The following A1CF variants were observed in gnomAD, a reference collection of about 807,000 sequenced individuals.
A1CF encodes APOBEC-1 stimulating protein.
Under a neutral mutation model 68.9 loss-of-function variants are expected in A1CF, and 48 were observed. The observed-to-expected ratio is 0.70, with a 90% CI of 0.55 to 0.89. A1CF has a LOEUF of 0.89. Among genes scored for constraint, A1CF ranks in the 40% least tolerant of loss-of-function variants. The pLI, the probability that A1CF is intolerant of heterozygous loss-of-function variation, is 0.00. For missense variants in A1CF, 653 were observed against 718.9 expected (o/e 0.91, Z 1.05); for synonymous variants, 272 against 260.4 (o/e 1.04, Z -0.43).
chr10:50,820,692 G>T, intron 7 of A1CF, 43 bp from the exon 8 acceptor site: 1 of 1,541,250 alleles, frequency 6.5e-7, no homozygotes, highest in Non-Finnish European at 8.9e-7. Flanking sequence ...AAAATTAAGA[G>T]AGCCTTGAAA....
At chr10:50,807,418 T>C (rs1837884794) in intron 12 of A1CF, among the ~76,000 whole-genome samples, 1 of 152,174 alleles carries the variant, frequency 6.6e-6, no homozygotes, top group Admixed American at 6.6e-5. Context: ...AAAGGTTAAG[T>C]GTGCTTTTCC....
At chr10:50,884,618 TA>T (rs1199712945) in intron 1 of A1CF, among the ~76,000 whole-genome samples, 2 of 152,236 alleles carry the variant, frequency 1.3e-5, no homozygotes, top group Admixed American at 1.3e-4. Context: ...ATACGATCTA[TA>T]AAACACTAAT....
At chr10:50,836,717 G>A (rs1156311908) in intron 5 of A1CF, among the ~76,000 whole-genome samples, 1 of 124,070 alleles carries the variant, frequency 8.1e-6, no homozygotes, top group Non-Finnish European at 1.6e-5. Context: ...AGGCCCTGGT[G>A]TGTAATGTTC....
At chr10:50,824,624 T>C (rs1838835087) in intron 7 of A1CF, 1 of 152,126 alleles carries the variant, frequency 6.6e-6, no homozygotes, top group African/African-American at 2.4e-5. Context: ...ATCATACTTG[T>C]TTGTTCCTTC....
At chr10:50,857,013 C>T (rs1840511201) in intron 3 of A1CF, among the ~76,000 whole-genome samples, 1 of 152,030 alleles carries the variant, frequency 6.6e-6, no homozygotes, top group Non-Finnish European at 1.5e-5. Flanking sequence ...AAGATTATCT[C>T]CATTGTTATT....
At chr10:50,877,978 C>T (rs1056124747) in intron 1 of A1CF, among the ~76,000 whole-genome samples, 1 of 152,094 alleles carries the variant, frequency 6.6e-6, no homozygotes, top group African/African-American at 2.4e-5. Context: ...AAAAATTAGC[C>T]AGTTGTGGTG....
At chr10:50,843,720 G>A (rs1171325000) in intron 4 of A1CF, among the ~76,000 whole-genome samples, 5 of 152,166 alleles carry the variant, frequency 3.3e-5, no homozygotes, top group African/African-American at 1.2e-4. Context: ...TAGTCAGATG[G>A]CATGACAGTG....
In A1CF at chr10:50,800,573, A is replaced by G. The variant is rs537746681; in HGVS notation, c.*6156T>C. On this transcript the variant is annotated 3_prime_UTR_variant, in exon 13 of 13. Transcript: ENST00000373997. ...AGAAGTAGGAAATATATGTATTTGT[A>G]TTCACAGTTTCTGGTATAAGAGTAG... 2 of 152,302 alleles carry G rather than the reference A, an allele frequency of 1.3e-5. No homozygotes were observed. The highest frequency in any genetic ancestry group is 4.8e-5 in the African/African-American group (2 of 41,574). The allele number at this position is 152,302 out of a possible 1,614,324, so 9.4% of individuals were successfully genotyped here.
At chr10:50,853,750 ATT>A (rs11344383) in intron 3 of A1CF, among the ~76,000 whole-genome samples, 6,384 of 141,396 alleles carry the variant, frequency 0.045, 392 homozygotes, top group African/African-American at 0.15. Context: ...GGAGTCAGCA[ATT>A]TTTTTTTTTT....
chr10:50,819,519 G>A (rs1015865831), intron 8 of A1CF, among the ~76,000 whole-genome samples: 9 of 152,206 alleles, frequency 5.9e-5, no homozygotes, highest in Admixed American at 1.3e-4. Context: ...AGAATGCTGT[G>A]AGCCCCAAAT....
intron 3 of A1CF, among the ~76,000 whole-genome samples, chr10:50,853,750 A>T (rs1564522936): frequency 7.1e-6 from 1 of 141,456 alleles, no homozygotes; most frequent in Non-Finnish European, 1.5e-5. Context: ...GGAGTCAGCA[A>T]TTTTTTTTTT....
chr10:50,819,231 T>A (rs902476057), intron 8 of A1CF, among the ~76,000 whole-genome samples: 2 of 152,206 alleles, frequency 1.3e-5, no homozygotes, highest in South Asian at 4.2e-4. Context: ...GATCAAGAGA[T>A]CCTCCCACCT....
At position 50,819,780 on chromosome 10, in the gene A1CF, C is replaced by T. The variant is rs113982815; in HGVS notation, c.867+772G>A. On this transcript the variant is annotated intron_variant, in intron 8 of 12. Coordinates refer to ENST00000373997, the MANE Select transcript of A1CF (RefSeq NM_014576.4). The stretch of plus-strand genomic sequence containing the variant: ...GATTTTTGAAATTATACCCAATTTT[C>T]GTGGCTTCTCTTAAATATTATCTTC... 2.3e-3 allele frequency among the ~76,000 whole-genome samples: 355 copies of T among 152,240 alleles called. 2 individuals are homozygous for T. Among genetic ancestry groups the T allele is most frequent in the African/African-American group, 7.7e-3 (319 of 41,538 alleles).
intron 3 of A1CF, among the ~76,000 whole-genome samples, chr10:50,856,930 T>G (rs1840504646): frequency 6.6e-6 from 1 of 152,154 alleles, no homozygotes; most frequent in South Asian, 2.1e-4. Flanking sequence ...CATATCATTA[T>G]TTTCTCTATC....
intron 6 of A1CF, 60 bp from the exon 7 acceptor site, chr10:50,828,355 A>G: frequency 2.3e-6 from 3 of 1,331,548 alleles, no homozygotes; most frequent in South Asian, 3.8e-5. Flanking sequence ...CATCATCTCA[A>G]TTTATACCAA....
chr10:50,840,008 C>T (rs1839698560), intron 5 of A1CF, among the ~76,000 whole-genome samples: 1 of 152,188 alleles, frequency 6.6e-6, no homozygotes. Context: ...TCCCAAAGTG[C>T]TAGGATTACA....
At chr10:50,865,140 T>C (rs574797323) in intron 1 of A1CF, among the ~76,000 whole-genome samples, 8 of 152,184 alleles carry the variant, frequency 5.3e-5, no homozygotes, top group Admixed American at 2.0e-4. Flanking sequence ...TGTAGTGTCA[T>C]GCATCTGTAG....
In A1CF at chr10:50,839,022, TG is replaced by T. The variant is rs546864831; in HGVS notation, c.366-2711del. On this transcript the variant is annotated intron_variant, in intron 5 of 12. Transcript: ENST00000373997. ...GCAAACATTCATAGAGCACCTAGTATGTGTCAGCACTGAGATGTATGTATAT... is the reference window on the plus strand; with the variant it reads ...GCAAACATTCATAGAGCACCTAGTATTGTCAGCACTGAGATGTATGTATAT... 4.2e-3 allele frequency among the ~76,000 whole-genome samples: 643 copies of T among 152,352 alleles called. 2 individuals carry two copies. Among genetic ancestry groups the T allele is most frequent in the Middle Eastern group, 0.01 (3 of 294 alleles).
intron 3 of A1CF, chr10:50,850,675 A>T (rs147461297): frequency 1.2e-6 from 2 of 1,613,892 alleles, no homozygotes; most frequent in Non-Finnish European, 1.7e-6. Flanking sequence ...CTTTTCCAGC[A>T]AAGTTTGCAA....
Sources: allele counts gnomAD v4.1 joint callset (sites outside exome capture counted in the v4.1 genomes callset), GRCh38; gene constraint gnomAD v4.1.1; transcripts MANE v1.5; gene names NCBI Gene and HGNC (gene_info 2026-07-23, HGNC 2026-07-21).